The following HTT variants were observed in gnomAD, a reference collection of about 807,000 sequenced individuals.
The protein encoded by HTT is huntington disease protein.
Under a neutral mutation model 362.3 loss-of-function variants are expected in HTT, and 104 were observed. The ratio of observed to expected loss-of-function variants is 0.29; its 90% CI spans 0.24 to 0.34. The LOEUF is 0.34. HTT is among the 10% of genes least tolerant of loss of function. The pLI is 1.00. For missense variants in HTT, 3,301 were observed against 3,928.6 expected (o/e 0.84, Z 4.27); for synonymous variants, 1,577 against 1,548.7 (o/e 1.02, Z -0.43).
At chr4:3,222,340 G>A (rs747061858) in intron 53 of HTT, 47 bp from the exon 54 acceptor site, 1 of 1,535,114 alleles carries the variant, frequency 6.5e-7, no homozygotes, top group Non-Finnish European at 9.0e-7. Flanking sequence ...CTCCGTTACA[G>A]GCTTGAGAAG....
intron 60 of HTT, among the ~76,000 whole-genome samples, chr4:3,232,829 G>GT (rs1172261488): frequency 6.6e-6 from 1 of 152,212 alleles, no homozygotes; most frequent in Non-Finnish European, 1.5e-5. Flanking sequence ...CGGTGCCAGG[G>GT]TTTTTACTGG....
In HTT at chr4:3,161,726, C is replaced by T. The variant is rs538595232; in HGVS notation, c.3864+1334C>T. On this transcript the variant is annotated intron_variant, in intron 29 of 66. Coordinates refer to ENST00000355072, the MANE Select transcript of HTT (RefSeq NM_001388492.1). Reference sequence around the variant, plus strand: ...TTGGCTGCATAAATGTCTTCTTTTGCGAAGTGTCTGTTCATATCCTTTGTC... The same window carrying T: ...TTGGCTGCATAAATGTCTTCTTTTGTGAAGTGTCTGTTCATATCCTTTGTC... 5.9e-5 allele frequency among the ~76,000 whole-genome samples: 9 copies of T among 152,122 alleles called. No homozygotes were observed. The South Asian group carries it at 8.3e-4, about 14-fold the overall frequency.
At chr4:3,078,261 A>AT (rs1407310665) in intron 1 of HTT, among the ~76,000 whole-genome samples, 3 of 152,234 alleles carry the variant, frequency 2.0e-5, no homozygotes, top group Admixed American at 6.5e-5. Flanking sequence ...AACATGTACT[A>AT]TGTGCCTGGC....
intron 19 of HTT, among the ~76,000 whole-genome samples, chr4:3,135,620 G>A (rs1716027580): frequency 6.6e-6 from 1 of 152,206 alleles, no homozygotes; most frequent in African/African-American, 2.4e-5. Context: ...CACCCCTTCT[G>A]TGGCTTGAGC....
At chr4:3,210,361 G>T (rs758670715) in intron 47 of HTT, among the ~76,000 whole-genome samples, 1 of 152,200 alleles carries the variant, frequency 6.6e-6, no homozygotes, top group Admixed American at 6.5e-5. Context: ...CGTATTTGCC[G>T]TAGACTTCAA....
Position 3,209,960 on chromosome 4 carries a change from A to C in HTT, c.6414+11A>C. ...TTCATGATGAACTCGGTACGGGGGG[A>C]GCAGTGGAGGCAAGGAATCCTCAGC... On this transcript the variant is annotated intron_variant, in intron 47 of 66. Transcript: ENST00000355072. The C allele has an allele frequency of 6.2e-7, 1 of 1,612,022 alleles. No individual in the cohort carries two copies. The highest frequency in any genetic ancestry group is 8.5e-7 in the Non-Finnish European group (1 of 1,178,936).
chr4:3,084,919 C>T (rs919285825), intron 1 of HTT, among the ~76,000 whole-genome samples: 4 of 151,246 alleles, frequency 2.6e-5, no homozygotes, highest in Non-Finnish European at 5.9e-5. Flanking sequence ...GAGGCTGAAG[C>T]AGGAGAATGG....
At chr4:3,160,181 G>A in intron 28 of HTT, 101 bp from the exon 29 acceptor site, 1 of 752,168 alleles carries the variant, frequency 1.3e-6, no homozygotes, top group Non-Finnish European at 2.4e-6. Context: ...GCCGCACAGT[G>A]GAGGCATCTG....
chr4:3,131,595 CTGT>C (rs1459139201), intron 15 of HTT, 40 bp from the exon 16 acceptor site: 1 of 1,605,114 alleles, frequency 6.2e-7, no homozygotes, highest in East Asian at 2.2e-5. Flanking sequence ...TGAAAACAAT[CTGT>C]TGTTTGAGGC....
intron 49 of HTT, 43 bp from the exon 50 acceptor site, chr4:3,213,915 A>G: frequency 6.9e-7 from 1 of 1,444,700 alleles, no homozygotes; most frequent in Middle Eastern, 2.0e-4. Context: ...CCCCAAACGA[A>G]GGTACACGAG....
At chr4:3,094,987 C>T (rs1329762006) in intron 2 of HTT, among the ~76,000 whole-genome samples, 2 of 152,036 alleles carry the variant, frequency 1.3e-5, no homozygotes, top group African/African-American at 4.8e-5. Flanking sequence ...GGCAGAGATG[C>T]TCCTCACTTC....
chr4:3,187,937 C>T (rs370363454), intron 39 of HTT, 51 bp downstream of exon 39: 222 of 1,089,376 alleles, frequency 2.0e-4, no homozygotes, highest in Non-Finnish European at 2.8e-4. Context: ...TGGGAAGTCA[C>T]GTGATGTTTC....
intron 12 of HTT, chr4:3,128,478 G>A (rs780458132): frequency 6.6e-6 from 1 of 152,086 alleles, no homozygotes; most frequent in Admixed American, 6.5e-5. Context: ...CATTTTTTAA[G>A]GCCTTGTTGG....
In HTT at chr4:3,206,392, G is replaced by A; in HGVS notation, c.5719-104G>A. The A allele has an allele frequency of 2.5e-6, 2 of 805,682 alleles. No homozygotes were observed. The highest frequency in any genetic ancestry group is 4.1e-6 in the Non-Finnish European group (2 of 484,600). The allele number at this position is 805,682 out of a possible 1,614,324, so 49.9% of individuals were successfully genotyped here. Reference sequence around the variant, plus strand: ...ATATTTTTAGTGAGGTTTATATTTGGGATGTGTTTTCTCCTTCTTACCCTT... The same window carrying A: ...ATATTTTTAGTGAGGTTTATATTTGAGATGTGTTTTCTCCTTCTTACCCTT... On this transcript the variant is annotated intron_variant, in intron 42 of 66. Coordinates refer to ENST00000355072, the MANE Select transcript of HTT (RefSeq NM_001388492.1). This position sits in a 1 kb window ranked among gnomAD's most constrained non-coding sequence, Gnocchi z 4.6.
At position 3,186,773 on chromosome 4, in the gene HTT, G is replaced by C. The variant is rs933661348; in HGVS notation, c.4989+54G>C. 13 of 1,523,614 alleles carry C rather than the reference G, an allele frequency of 8.5e-6. No individual in the cohort carries two copies. The African/African-American group carries it at 1.8e-4, about 21-fold the overall frequency. The allele number at this position is 1,523,614 out of a possible 1,614,324, so 94.4% of individuals were successfully genotyped here. A position where few individuals can be genotyped will look rare whatever the true frequency, so the allele number is the denominator to read the frequency against. On this transcript the variant is annotated intron_variant, in intron 38 of 66. Coordinates refer to ENST00000355072, the MANE Select transcript of HTT (RefSeq NM_001388492.1). ...AATCTGGACGGCTTGTTCAGGCTCT[G>C]ATTACTGGGACCACCCCCAGAATGT...
chr4:3,208,683 T>G, intron 45 of HTT, 90 bp from the exon 46 acceptor site: 4 of 1,267,330 alleles, frequency 3.2e-6, no homozygotes, highest in Non-Finnish European at 4.3e-6. Context: ...GAGTGTATAT[T>G]TCTAGAATCC....
intron 49 of HTT, among the ~76,000 whole-genome samples, chr4:3,213,291 CAT>C (rs1019400190): frequency 1.1e-4 from 16 of 152,232 alleles, no homozygotes; most frequent in African/African-American, 3.1e-4. Flanking sequence ...CACGTGGAGT[CAT>C]ATGGTTTGTG....
At chr4:3,112,185 C>T (rs1272268362) in intron 6 of HTT, among the ~76,000 whole-genome samples, 3 of 152,162 alleles carry the variant, frequency 2.0e-5, no homozygotes, top group South Asian at 2.1e-4. Flanking sequence ...TTCAATCCAG[C>T]GTGTTGGATT....
At chr4:3,191,615 G>T (rs1719018542) in intron 40 of HTT, among the ~76,000 whole-genome samples, 1 of 152,344 alleles carries the variant, frequency 6.6e-6, no homozygotes, top group South Asian at 2.1e-4. Flanking sequence ...CAAGTAGATG[G>T]TAGAGATAGA....
Sources: allele counts gnomAD v4.1 joint callset (sites outside exome capture counted in the v4.1 genomes callset), GRCh38; gene constraint gnomAD v4.1.1; non-coding constraint Gnocchi (gnomAD v3.1); transcripts MANE v1.5; gene names NCBI Gene and HGNC (gene_info 2026-07-23, HGNC 2026-07-21).